The following MACROD2 variants were observed in gnomAD, a reference collection of about 807,000 sequenced individuals.
MACROD2 encodes the protein ADP-ribose glycohydrolase MACROD2.
MACROD2 carries 36 observed loss-of-function variants against 70.4 expected under a neutral mutation model. The ratio of observed to expected loss-of-function variants is 0.51; its 90% CI spans 0.39 to 0.68. The LOEUF (loss-of-function observed/expected upper bound fraction) is 0.68, where lower values mean the gene tolerates loss of function less well. Among genes scored for constraint, MACROD2 ranks in the 30% least tolerant of loss-of-function variants. The probability of loss-of-function intolerance (pLI) is 0.00; values close to 1 mark genes in which losing one functional copy is unlikely to be tolerated. For synonymous variants in MACROD2, 172 were observed against 178.8 expected, an observed-to-expected ratio of 0.96 and a Z score of 0.30; for missense variants, 496 against 538.4, an observed-to-expected ratio of 0.92 and a Z score of 0.78.
rs78985580 is a variant in MACROD2, at chr20:16,017,272, A to G, written c.1154-23929A>G. On this transcript the variant is annotated intron_variant, in intron 15 of 17. Coordinates refer to ENST00000684519, the MANE Select transcript of MACROD2 (RefSeq NM_001351661.2). ...TCCTTTCCCTGAAATGCCAACCTCC[A>G]CACATACTCAAATATAAGCACATTG... Among the ~76,000 whole-genome samples, 4 of 152,158 alleles carry G rather than the reference A, an allele frequency of 2.6e-5. No homozygotes were observed. The East Asian group carries it at 7.7e-4, about 29-fold the overall frequency.
intron 3 of MACROD2, among the ~76,000 whole-genome samples, chr20:14,262,503 A>G (rs1350726076): frequency 6.6e-6 from 1 of 152,256 alleles, no homozygotes. Flanking sequence ...AAAGTTCGGC[A>G]GAGGGCTCTC....
At chr20:15,065,950 A>C (rs1358198637) in intron 5 of MACROD2, among the ~76,000 whole-genome samples, 1 of 152,066 alleles carries the variant, frequency 6.6e-6, no homozygotes, top group Non-Finnish European at 1.5e-5. Context: ...TCTGTCATCC[A>C]GCTGATGTGG....
chr20:15,784,348 A>G (rs1053705756), intron 8 of MACROD2, among the ~76,000 whole-genome samples: 1 of 152,082 alleles, frequency 6.6e-6, no homozygotes, highest in Non-Finnish European at 1.5e-5. Flanking sequence ...TTTATTTTAT[A>G]TGGTATTAAT....
chr20:14,628,416 C>T (rs957454030), intron 4 of MACROD2, among the ~76,000 whole-genome samples: 1 of 152,002 alleles, frequency 6.6e-6, no homozygotes, highest in Non-Finnish European at 1.5e-5. Context: ...TAATGGAATC[C>T]TGAGATTTGA....
chr20:15,070,067 A>G (rs2075607234), intron 5 of MACROD2, among the ~76,000 whole-genome samples: 1 of 152,190 alleles, frequency 6.6e-6, no homozygotes, highest in African/African-American at 2.4e-5. Flanking sequence ...CTACAGGGGC[A>G]GGGCTTCCCA....
intron 6 of MACROD2, among the ~76,000 whole-genome samples, chr20:15,316,131 A>G (rs952573678): frequency 2.6e-5 from 4 of 151,894 alleles, no homozygotes; most frequent in African/African-American, 7.2e-5. Context: ...TAACCCCAAA[A>G]GAAAGCAATA....
intron 7 of MACROD2, among the ~76,000 whole-genome samples, chr20:15,460,985 T>TAC (rs2046801949): frequency 1.3e-5 from 1 of 76,286 alleles, no homozygotes; most frequent in Non-Finnish European, 2.8e-5. Context: ...TCCATATATA[T>TAC]ATATATATAT....
At chr20:15,126,863 T>C (rs1241620222) in intron 5 of MACROD2, among the ~76,000 whole-genome samples, 1 of 152,156 alleles carries the variant, frequency 6.6e-6, no homozygotes, top group Non-Finnish European at 1.5e-5. Flanking sequence ...AGTTGAAGCT[T>C]AGTATCTGCT....
chr20:15,509,325 AAC>A (rs1473739058), intron 8 of MACROD2, among the ~76,000 whole-genome samples: 3 of 152,146 alleles, frequency 2.0e-5, no homozygotes, highest in African/African-American at 7.2e-5. Context: ...GGAGGTAGGA[AAC>A]ACACATTAAC....
intron 3 of MACROD2, among the ~76,000 whole-genome samples, chr20:14,441,872 G>A (rs189190838): frequency 2.8e-4 from 43 of 151,596 alleles, no homozygotes; most frequent in Admixed American, 1.2e-3. Flanking sequence ...AGTGATGTAC[G>A]CGTTTACGAA....
intron 5 of MACROD2, among the ~76,000 whole-genome samples, chr20:14,725,074 A>T (rs1256301926): frequency 6.6e-6 from 1 of 152,006 alleles, no homozygotes; most frequent in Non-Finnish European, 1.5e-5. Context: ...CATGGATTGG[A>T]TATGGGGAGT....
chr20:14,412,879 A>G (rs2083765080), intron 3 of MACROD2, among the ~76,000 whole-genome samples: 1 of 152,226 alleles, frequency 6.6e-6, no homozygotes, highest in Non-Finnish European at 1.5e-5. Flanking sequence ...GGAAAAGTCC[A>G]GTGAAGGAGA....
rs58775689 is a variant in MACROD2 at position 15,871,175 on chromosome 20, CA to C, written c.727+8367del. 3.3e-3 allele frequency among the ~76,000 whole-genome samples: 375 copies of C among 114,560 alleles called. 2 individuals are homozygous for C. The highest frequency in any genetic ancestry group is 0.011 in the African/African-American group (316 of 29,124). The allele number at this position is 114,560 out of a possible 152,430, so 75.2% of individuals were successfully genotyped here. Reference sequence around the variant, plus strand: ...TGGGTGACAGAGCGAGACTCCATCTCAAAAAAAAAAAAAAAAAATTATAAAA... The same window carrying C: ...TGGGTGACAGAGCGAGACTCCATCTCAAAAAAAAAAAAAAAAATTATAAAA... On this transcript the variant is annotated intron_variant, in intron 9 of 17. Coordinates refer to ENST00000684519, the MANE Select transcript of MACROD2 (RefSeq NM_001351661.2).
Position 15,807,910 on chromosome 20 carries a change from A to G in MACROD2, c.646-54835A>G, listed in dbSNP as rs2063783519. Among the ~76,000 whole-genome samples, 3 of 152,256 alleles carry G rather than the reference A, an allele frequency of 2.0e-5. No individual in the cohort carries two copies. The South Asian group carries it at 6.2e-4, about 32-fold the overall frequency. On this transcript the variant is annotated intron_variant, in intron 8 of 17. Transcript: ENST00000684519. The stretch of plus-strand genomic sequence containing the variant: ...CTAAAAGGCAGAAGTGAAATCCACA[A>G]GCAGACAGCCTGGCGCCACACCCTG...
intron 4 of MACROD2, among the ~76,000 whole-genome samples, chr20:14,642,217 C>T (rs1985133380): frequency 6.6e-6 from 1 of 152,202 alleles, no homozygotes; most frequent in Non-Finnish European, 1.5e-5. Context: ...AGCTTCCTCA[C>T]CATTCTCAGA....
At chr20:14,389,169 C>T (rs1027535988) in intron 3 of MACROD2, among the ~76,000 whole-genome samples, 11 of 151,914 alleles carry the variant, frequency 7.2e-5, no homozygotes, top group Non-Finnish European at 1.5e-5. Context: ...CGTGAGCCAC[C>T]GCGGCTGGCC....
Position 15,176,570 on chromosome 20 carries a change from G to T in MACROD2, c.419-53370G>T, listed in dbSNP as rs557246214. On this transcript the variant is annotated intron_variant, in intron 5 of 17. Transcript: ENST00000684519. ...TCTGCTGAGAGCTGGACACTCTTAG[G>T]GATGACCTGCTTGTGGAAATGAGCT... is the stretch of plus-strand genomic sequence containing the variant. Among the ~76,000 whole-genome samples, 27 of 152,226 alleles carry T rather than the reference G, an allele frequency of 1.8e-4. No individual in the cohort carries two copies. The South Asian group carries it at 2.7e-3, about 15-fold the overall frequency.
intron 10 of MACROD2, among the ~76,000 whole-genome samples, chr20:15,916,235 T>C (rs976835066): frequency 6.6e-6 from 1 of 152,144 alleles, no homozygotes; most frequent in African/African-American, 2.4e-5. Context: ...TCACTGATTC[T>C]TGGCCAGAGA....
intron 6 of MACROD2, among the ~76,000 whole-genome samples, chr20:15,294,425 T>G (rs572051521): frequency 1.2e-4 from 18 of 152,200 alleles, no homozygotes; most frequent in Non-Finnish European, 1.9e-4. Flanking sequence ...CCTTCTTTCT[T>G]CTAAACCTCC....
Sources: gnomAD v4.1 joint callset for allele counts (sites outside exome capture counted in the v4.1 genomes callset) on GRCh38, gnomAD v4.1.1 for gene constraint, MANE v1.5 for transcripts, NCBI Gene and HGNC (gene_info 2026-07-23, HGNC 2026-07-21) for gene names.